Variants in SFMBT2 observed in about 807,000 individuals in gnomAD.
The protein encoded by SFMBT2 is Scm like with four mbt domains 2, also known as scm-like with four MBT domains protein 2.
In SFMBT2, 38 loss-of-function variants were observed where a neutral mutation model predicts 110.1. That is an observed-to-expected ratio of 0.35 (90% CI 0.27 to 0.45). SFMBT2 has a LOEUF of 0.45. Among genes scored for constraint, SFMBT2 ranks in the 20% least tolerant of loss-of-function variants. The pLI, the probability that SFMBT2 is intolerant of heterozygous loss-of-function variation, is 1.00. For synonymous variants in SFMBT2, 425 were observed against 425.4 expected (o/e 1.00, Z 0.01); for missense variants, 1,011 against 1,094.9 (o/e 0.92, Z 1.08).
At chr10:7,205,790 C>G (rs754052148) in intron 12 of SFMBT2, 25 bp downstream of exon 12, 13 of 1,608,000 alleles carry the variant, frequency 8.1e-6, no homozygotes, top group South Asian at 1.1e-5. Flanking sequence ...TGTCATCCAC[C>G]CCCCCTCAAC....
rs183442175 is a variant in SFMBT2 at position 7,357,415 on chromosome 10, T to A, written c.436+10234A>T. ...AAATCAGTCGAAGGCCCAAATAGAT[T>A]GAAAGGCTGACCTCCCCAAAGCCCG... On this transcript the variant is annotated intron_variant, in intron 4 of 20. Transcript: ENST00000397167. 1.2e-3 allele frequency among the ~76,000 whole-genome samples: 189 copies of A among 152,178 alleles called. 2 individuals are homozygous for A. Among genetic ancestry groups the A allele is most frequent in the Admixed American group, 0.012 (187 of 15,284 alleles).
At chr10:7,272,024 A>G (rs1011794619) in intron 7 of SFMBT2, among the ~76,000 whole-genome samples, 7 of 152,192 alleles carry the variant, frequency 4.6e-5, no homozygotes, top group Non-Finnish European at 8.8e-5. Flanking sequence ...AGGGCGTTAC[A>G]GAAACATAAC....
intron 1 of SFMBT2, among the ~76,000 whole-genome samples, chr10:7,390,918 G>A (rs530734277): frequency 2.0e-5 from 3 of 152,246 alleles, no homozygotes; most frequent in South Asian, 2.1e-4. Context: ...TGACCAACAT[G>A]GTGAAACCCC....
At chr10:7,377,638 C>T (rs1024221187) in intron 2 of SFMBT2, among the ~76,000 whole-genome samples, 14 of 152,144 alleles carry the variant, frequency 9.2e-5, no homozygotes, top group Middle Eastern at 3.2e-3. Flanking sequence ...AGATCCCTGG[C>T]ACATGCAGTT....
At chr10:7,202,428 C>A (rs1838984679) in intron 13 of SFMBT2, 52 bp downstream of exon 13, 1 of 1,608,130 alleles carries the variant, frequency 6.2e-7, no homozygotes, top group African/African-American at 1.3e-5. Flanking sequence ...TCCATAAAGA[C>A]ACTACAGTTT....
chr10:7,257,896 T>C (rs973098590), intron 7 of SFMBT2, among the ~76,000 whole-genome samples: 1 of 152,140 alleles, frequency 6.6e-6, no homozygotes, highest in Non-Finnish European at 1.5e-5. Context: ...GATTTTCATG[T>C]AAAAACAAAA....
intron 4 of SFMBT2, among the ~76,000 whole-genome samples, chr10:7,309,616 G>T (rs948630548): frequency 6.6e-6 from 1 of 152,114 alleles, no homozygotes; most frequent in African/African-American, 2.4e-5. Flanking sequence ...ACAGCATCAG[G>T]CCCTGAGATG....
chr10:7,310,014 G>C (rs574015379), intron 4 of SFMBT2, among the ~76,000 whole-genome samples: 1 of 152,310 alleles, frequency 6.6e-6, no homozygotes, highest in African/African-American at 2.4e-5. Context: ...ATGTTTAGCA[G>C]TACCCCGGGT....
chr10:7,281,412 C>T lies in SFMBT2; in HGVS notation c.772+2492G>A, dbSNP rs148649776. On this transcript the variant is annotated intron_variant, in intron 6 of 20. Coordinates refer to ENST00000397167, the MANE Select transcript of SFMBT2 (RefSeq NM_001387889.1). ...CCCCTCCCACTGGACTTCTCCCCAT[C>T]GGTCATGGAAGCAGAACACTTTCCA... is the stretch of plus-strand genomic sequence containing the variant. 2.7e-3 allele frequency among the ~76,000 whole-genome samples: 407 copies of T among 152,116 alleles called. 3 individuals carry two copies. Among genetic ancestry groups the T allele is most frequent in the African/African-American group, 9.3e-3 (384 of 41,484 alleles).
chr10:7,229,309 G>A lies in SFMBT2; in HGVS notation c.1121-1372C>T, dbSNP rs550920860. ...AAGAAACTCAACATAGGCCGGGCGC[G>A]GTGGCTCACGCCTGTAATCCCAGCA... On this transcript the variant is annotated intron_variant, in intron 9 of 20. Transcript: ENST00000397167. 1.2e-4 allele frequency among the ~76,000 whole-genome samples: 19 copies of A among 152,210 alleles called. No individual in the cohort carries two copies. In the South Asian group the frequency reaches 2.1e-3, roughly 17 times the overall value.
chr10:7,164,068 T>C, intron 20 of SFMBT2, 158 bp from the exon 21 acceptor site: 1 of 985,462 alleles, frequency 1.0e-6, no homozygotes, highest in Non-Finnish European at 1.2e-6. Context: ...CCCGGCTTGA[T>C]GACTGTCTAA....
chr10:7,322,160 T>C (rs1229642695), intron 4 of SFMBT2, among the ~76,000 whole-genome samples: 2 of 152,236 alleles, frequency 1.3e-5, no homozygotes, highest in Admixed American at 6.5e-5. Context: ...GGGTTTTTCC[T>C]ATTCTGTTCT....
intron 17 of SFMBT2, among the ~76,000 whole-genome samples, chr10:7,174,727 C>T (rs1180222822): frequency 6.6e-6 from 1 of 152,216 alleles, no homozygotes; most frequent in Non-Finnish European, 1.5e-5. Context: ...CTCGGTTAGG[C>T]CTTTCTTACT....
intron 11 of SFMBT2, chr10:7,207,102 G>A (rs1839160659): frequency 1.2e-5 from 2 of 165,490 alleles, no homozygotes; most frequent in South Asian, 2.0e-4. Flanking sequence ...GCATGCACCA[G>A]TAGTCCCAGC....
intron 1 of SFMBT2, among the ~76,000 whole-genome samples, chr10:7,394,100 A>G (rs1355832973): frequency 6.6e-6 from 1 of 152,030 alleles, no homozygotes; most frequent in African/African-American, 2.4e-5. Context: ...CCCGGGTTCA[A>G]GAGATCCTCC....
At chr10:7,265,491 G>A (rs966686253) in intron 7 of SFMBT2, among the ~76,000 whole-genome samples, 2 of 152,210 alleles carry the variant, frequency 1.3e-5, no homozygotes, top group Middle Eastern at 3.4e-3. Context: ...ATGAGCCACC[G>A]CGCCTGGCCC....
At chr10:7,254,973 A>T (rs1840949790) in intron 7 of SFMBT2, among the ~76,000 whole-genome samples, 1 of 152,210 alleles carries the variant, frequency 6.6e-6, no homozygotes, top group Admixed American at 6.5e-5. Flanking sequence ...ATGATAATTG[A>T]AGAATTCAAC....
intron 7 of SFMBT2, among the ~76,000 whole-genome samples, chr10:7,274,277 A>G (rs1841696917): frequency 6.6e-6 from 1 of 152,208 alleles, no homozygotes; most frequent in Non-Finnish European, 1.5e-5. Flanking sequence ...ACTTGAGCCC[A>G]GGATTTGAGA....
chr10:7,392,463 T>C (rs1845794899), intron 1 of SFMBT2, among the ~76,000 whole-genome samples: 1 of 151,912 alleles, frequency 6.6e-6, no homozygotes, highest in African/African-American at 2.4e-5. Context: ...TGCAGTGAGC[T>C]GAGATTGCAC....
Sources: allele counts gnomAD v4.1 joint callset (sites outside exome capture counted in the v4.1 genomes callset), GRCh38; gene constraint gnomAD v4.1.1; transcripts MANE v1.5; gene names NCBI Gene and HGNC (gene_info 2026-07-23, HGNC 2026-07-21).